The following SSBP3 variants were observed in gnomAD, a reference collection of about 807,000 sequenced individuals.
The protein encoded by SSBP3 is single-stranded DNA-binding protein 3.
In SSBP3, 5 loss-of-function variants were observed where a neutral mutation model predicts 69.6. The ratio of observed to expected loss-of-function variants is 0.07; its 90% CI spans 0.04 to 0.15. The LOEUF (loss-of-function observed/expected upper bound fraction) is 0.15. Ranked by LOEUF, SSBP3 falls within the 10% of genes least tolerant of loss-of-function variation. SSBP3 has a pLI of 1.00. For missense variants in SSBP3, 312 were observed against 534.0 expected, an observed-to-expected ratio of 0.58 and a Z score of 4.10; for synonymous variants, 196 against 193.4, an observed-to-expected ratio of 1.01 and a Z score of -0.11.
intron 17 of SSBP3, among the ~76,000 whole-genome samples, chr1:54,227,440 C>CT (rs1314253381): frequency 2.0e-4 from 31 of 152,110 alleles, no homozygotes; most frequent in African/African-American, 6.0e-4. Flanking sequence ...CTGCCCCTGT[C>CT]TGAGTCATCC....
intron 5 of SSBP3, among the ~76,000 whole-genome samples, chr1:54,261,192 A>G (rs766288568): frequency 6.6e-6 from 1 of 152,200 alleles, no homozygotes; most frequent in Non-Finnish European, 1.5e-5. Context: ...ACGGGCAGAG[A>G]TCCGTGTTTG....
chr1:54,293,607 C>T (rs1437038213), intron 4 of SSBP3, among the ~76,000 whole-genome samples: 2 of 152,260 alleles, frequency 1.3e-5, no homozygotes, highest in African/African-American at 4.8e-5. Context: ...ACAGCAACCA[C>T]CCTCTGCACA....
chr1:54,371,984 T>C (rs1647143116), intron 4 of SSBP3, among the ~76,000 whole-genome samples: 1 of 152,158 alleles, frequency 6.6e-6, no homozygotes, highest in South Asian at 2.1e-4. Flanking sequence ...ATACTCACTT[T>C]ACAGATAAGG....
intron 4 of SSBP3, among the ~76,000 whole-genome samples, chr1:54,353,902 G>T (rs1206081945): frequency 2.0e-5 from 3 of 152,238 alleles, no homozygotes; most frequent in Non-Finnish European, 4.4e-5. Context: ...GACTGCAGAT[G>T]ATCAGGTCAG....
intron 7 of SSBP3, among the ~76,000 whole-genome samples, chr1:54,253,175 TTTTTTTTTTAGTTTTTG>T (rs1644860955): frequency 3.6e-5 from 1 of 27,972 alleles, no homozygotes; most frequent in African/African-American, 1.8e-4. Context: ...TTTGTTTTTG[TTTTTTTTTTAGTTTTTG>T]TTTTTTTTTT....
rs36005529 is a variant in SSBP3, at chr1:54,308,907, C to CAA, written c.277-27382_277-27381dup. ...CAAGTCAGTGACCCCACCTCCCCTG[C>CAA]AAAAAAAAAAATACCTAAGAAAAAG... On this transcript the variant is annotated intron_variant, in intron 4 of 17. Transcript: ENST00000610401. 6.6e-3 allele frequency among the ~76,000 whole-genome samples: 963 copies of CAA among 145,078 alleles called. 12 individuals carry two copies. The highest frequency in any genetic ancestry group is 0.022 in the African/African-American group (889 of 39,684).
At chr1:54,352,431 C>A (rs923368596) in intron 4 of SSBP3, among the ~76,000 whole-genome samples, 14 of 152,178 alleles carry the variant, frequency 9.2e-5, no homozygotes, top group African/African-American at 3.4e-4. Flanking sequence ...CTCCATAAAA[C>A]ACCCCTGAGG....
intron 4 of SSBP3, among the ~76,000 whole-genome samples, chr1:54,401,373 A>ACCAAAC (rs911430415): frequency 3.3e-5 from 5 of 149,616 alleles, no homozygotes; most frequent in African/African-American, 1.3e-4. Flanking sequence ...GCCCACCCAC[A>ACCAAAC]CCAAACACAC....
intron 4 of SSBP3, among the ~76,000 whole-genome samples, chr1:54,303,435 G>A (rs2101011236): frequency 6.6e-6 from 1 of 152,298 alleles, no homozygotes; most frequent in Non-Finnish European, 1.5e-5. Context: ...TTACTTCAAT[G>A]TAAACAATCA....
intron 9 of SSBP3, among the ~76,000 whole-genome samples, chr1:54,244,655 G>C (rs976448112): frequency 3.3e-5 from 5 of 152,166 alleles, no homozygotes; most frequent in African/African-American, 1.2e-4. Context: ...ACCAGGCCTC[G>C]TATCACGCGC....
At chr1:54,314,832 G>A (rs1039309627) in intron 4 of SSBP3, among the ~76,000 whole-genome samples, 1 of 152,196 alleles carries the variant, frequency 6.6e-6, no homozygotes, top group African/African-American at 2.4e-5. Context: ...TCCCCTCCCA[G>A]TATGAAGTCA....
At chr1:54,330,526 G>T (rs1393674340) in intron 4 of SSBP3, among the ~76,000 whole-genome samples, 1 of 152,172 alleles carries the variant, frequency 6.6e-6, no homozygotes, top group African/African-American at 2.4e-5. Context: ...GGGCAAACCA[G>T]AGCAAGGGCG....
chr1:54,402,468 G>C (rs926299701), intron 3 of SSBP3, among the ~76,000 whole-genome samples: 8 of 152,062 alleles, frequency 5.3e-5, no homozygotes, highest in African/African-American at 1.9e-4. Flanking sequence ...CTGGCAATAG[G>C]AACTTTACAG....
intron 4 of SSBP3, among the ~76,000 whole-genome samples, chr1:54,395,418 C>A (rs1012341724): frequency 7.2e-5 from 11 of 152,226 alleles, no homozygotes; most frequent in African/African-American, 2.7e-4. Flanking sequence ...TTTAGCCATG[C>A]AGTGGCCATA....
chr1:54,363,278 G>A (rs1227410856), intron 4 of SSBP3, among the ~76,000 whole-genome samples: 1 of 152,124 alleles, frequency 6.6e-6, no homozygotes, highest in Non-Finnish European at 1.5e-5. Context: ...TCACCAATCT[G>A]GGAAATGGGG....
intron 5 of SSBP3, among the ~76,000 whole-genome samples, chr1:54,262,944 G>A (rs989149592): frequency 5.9e-5 from 9 of 152,180 alleles, no homozygotes; most frequent in Non-Finnish European, 1.2e-4. Flanking sequence ...TAATGGACTC[G>A]CTATTCCATC....
rs967249027 is a variant in SSBP3, at chr1:54,317,145, T to C, written c.277-35618A>G. Among the ~76,000 whole-genome samples, 3 of 151,840 alleles carry C rather than the reference T, an allele frequency of 2.0e-5. No individual in the cohort carries two copies. In the East Asian group the frequency reaches 5.8e-4, roughly 29 times the overall value. On this transcript the variant is annotated intron_variant, in intron 4 of 17. Transcript: ENST00000610401. ...TGCAGTGTTATGTACAATGGCAGGG[T>C]GGAGAGATGGAGGACAGGAAGGAAT...
chr1:54,238,903 C>G (rs897155013), intron 14 of SSBP3: 7 of 389,722 alleles, frequency 1.8e-5, no homozygotes, highest in African/African-American at 1.1e-4. Flanking sequence ...CACCCTGGCT[C>G]TAACCAGAGG....
chr1:54,356,727 G>C (rs1006774686), intron 4 of SSBP3: 6 of 152,254 alleles, frequency 3.9e-5, no homozygotes, highest in African/African-American at 1.4e-4. Flanking sequence ...GCCAAGCACG[G>C]GTGCCCCAGG....
Sources: gnomAD v4.1 joint callset for allele counts (sites outside exome capture counted in the v4.1 genomes callset) on GRCh38, gnomAD v4.1.1 for gene constraint, MANE v1.5 for transcripts, NCBI Gene and HGNC (gene_info 2026-07-23, HGNC 2026-07-21) for gene names.